TG: variants seen among roughly 807,000 people sequenced by gnomAD.
TG encodes the protein thyroglobulin, also known as thyroid hormones.
A neutral mutation model predicts 324.7 loss-of-function variants in TG; 270 were observed. The observed-to-expected ratio is 0.83, with a 90% CI of 0.75 to 0.92. The LOEUF is 0.92. TG is among the 40% of genes least tolerant of loss of function. The probability of loss-of-function intolerance (pLI) is 0.00; values close to 1 mark genes in which losing one functional copy is unlikely to be tolerated. For synonymous variants in TG, 1,401 were observed against 1,327.0 expected, an observed-to-expected ratio of 1.06 and a Z score of -1.21; for missense variants, 3,591 against 3,456.4, an observed-to-expected ratio of 1.04 and a Z score of -0.98.
chr8:132,873,226 G>A lies in TG; in HGVS notation c.638+5G>A, dbSNP rs774274702. On this transcript the variant is annotated splice_donor_5th_base_variant and intron_variant, in intron 5 of 47. Transcript: ENST00000220616. ...TCTGGTCCACAGCTACAACAGGTAA[G>A]GGGAGCAGGGGTGTGCCAGTCACTG... 32 of 1,613,916 alleles carry A rather than the reference G, an allele frequency of 2.0e-5. 1 individual carries two copies. The highest frequency in any genetic ancestry group is 3.3e-5 in the South Asian group (3 of 91,052).
intron 40 of TG, among the ~76,000 whole-genome samples, chr8:133,023,000 A>G (rs1265689036): frequency 1.3e-5 from 2 of 152,198 alleles, no homozygotes; most frequent in Non-Finnish European, 2.9e-5. Flanking sequence ...CAGAGACTTG[A>G]GTTTTGCACA....
chr8:133,013,572 G>T (rs376550284), intron 36 of TG, 28 bp from the exon 37 acceptor site: 32 of 1,613,608 alleles, frequency 2.0e-5, no homozygotes, highest in Non-Finnish European at 2.6e-5. Flanking sequence ...TGAGGCCCAA[G>T]CATCACTCTT....
intron 41 of TG, chr8:133,047,765 G>A (rs748186170): frequency 3.7e-5 from 34 of 914,092 alleles, no homozygotes; most frequent in Non-Finnish European, 5.2e-5. Flanking sequence ...CGTGTAATGA[G>A]TCAGCCAGGA....
chr8:132,933,733 C>T, intron 24 of TG, 57 bp downstream of exon 24: 1 of 1,515,558 alleles, frequency 6.6e-7, no homozygotes, highest in Non-Finnish European at 9.2e-7. Flanking sequence ...ATCAGATGTG[C>T]TCTGAGGAGC....
At chr8:133,106,944 G>C (rs1388552061) in intron 43 of TG, among the ~76,000 whole-genome samples, 1 of 152,180 alleles carries the variant, frequency 6.6e-6, no homozygotes, top group Non-Finnish European at 1.5e-5. Context: ...AGGGCCTGCA[G>C]CCATGTGTTC....
Position 133,134,697 on chromosome 8 carries a change from C to G in TG, c.8210C>G (p.Ser2737Ter), listed in dbSNP as rs746997831. The change falls in exon 48 of 48, where the codon TCA (serine) becomes TGA (stop). Residue 2737 changes from serine to a stop codon, truncating the protein, a stop_gained. Transcript: ENST00000220616. LOFTEE classifies it low-confidence loss of function (END_TRUNC). ...TSADGAKGGQ[S>*]AESEEEELTA... ...TCAGATGGAGCCAAGGGCGGGCAGT[C>G]AGCAGAGAGTGAAGAGGAGGAGTTG... 1.2e-6 allele frequency: 2 copies of G among 1,613,904 alleles called. No individual in the cohort carries two copies. Among genetic ancestry groups the G allele is most frequent in the Non-Finnish European group, 1.7e-6 (2 of 1,179,942 alleles).
intron 41 of TG, chr8:133,046,393 C>T (rs75793403): frequency 6.6e-6 from 1 of 152,274 alleles, no homozygotes; most frequent in South Asian, 2.1e-4. Flanking sequence ...AAATGCCACC[C>T]TGGGGTGTGA....
chr8:132,896,135 A>T (rs1032447246), intron 11 of TG, among the ~76,000 whole-genome samples: 1 of 152,266 alleles, frequency 6.6e-6, no homozygotes, highest in Non-Finnish European at 1.5e-5. Context: ...TTTAACACCT[A>T]TCAGCTCCTT....
chr8:132,874,255 G>C (rs1839760811), intron 5 of TG, among the ~76,000 whole-genome samples: 1 of 152,152 alleles, frequency 6.6e-6, no homozygotes, highest in Non-Finnish European at 1.5e-5. Flanking sequence ...ACTCCCAAAA[G>C]CATGGATATC....
rs749217843 is a variant in TG, at chr8:132,942,478, C to T, written c.5233+936C>T. Among the ~76,000 whole-genome samples the T allele has an allele frequency of 3.7e-4, 57 of 152,286 alleles. 1 individual carries two copies. The highest frequency in any genetic ancestry group is 6.9e-4 in the Non-Finnish European group (47 of 68,020). On this transcript the variant is annotated intron_variant, in intron 26 of 47. Coordinates refer to ENST00000220616, the MANE Select transcript of TG (RefSeq NM_003235.5). ...AAAGATTAGAAAAAATTGAAATAGTCTGATATATCTTGTTATGGTTCTCAC... is the reference window on the plus strand; with the variant it reads ...AAAGATTAGAAAAAATTGAAATAGTTTGATATATCTTGTTATGGTTCTCAC...
intron 43 of TG, among the ~76,000 whole-genome samples, chr8:133,106,026 G>A (rs553122966): frequency 6.6e-6 from 1 of 152,254 alleles, no homozygotes; most frequent in Non-Finnish European, 1.5e-5. Context: ...GGATGAAGCA[G>A]ATGGAGGAGA....
intron 1 of TG, 60 bp from the exon 2 acceptor site, chr8:132,868,055 G>T: frequency 1.4e-6 from 2 of 1,468,596 alleles, no homozygotes; most frequent in South Asian, 1.1e-5. Context: ...ATGAGAGCCC[G>T]TCTCTGTCCT....
Position 132,876,352 on chromosome 8 carries a change from G to A in TG, c.638+3131G>A, listed in dbSNP as rs776094884. Among the ~76,000 whole-genome samples the A allele has an allele frequency of 1.3e-3, 200 of 152,154 alleles. 1 individual carries two copies. Among genetic ancestry groups the A allele is most frequent in the Non-Finnish European group, 2.6e-4 (18 of 68,038 alleles). On this transcript the variant is annotated intron_variant, in intron 5 of 47. Coordinates refer to ENST00000220616, the MANE Select transcript of TG (RefSeq NM_003235.5). ...GGAGTCAAGAATGACTCCTAGGTCT[G>A]GTTTCTGGATGGATTCTTGAGGATA...
At chr8:132,880,585 A>G (rs1182596377) in intron 5 of TG, among the ~76,000 whole-genome samples, 2 of 152,178 alleles carry the variant, frequency 1.3e-5, no homozygotes, top group Non-Finnish European at 2.9e-5. Flanking sequence ...ATGGAAAAAA[A>G]CCTCATCCAT....
rs142710471 is a variant in TG at position 133,045,129 on chromosome 8, A to T, written c.7239+15106A>T. ...GTGAGTAAAACCCTGCAGGAGGTGG[A>T]GGATAAGTCAGTGGGCTCCACCTGT... On this transcript the variant is annotated intron_variant, in intron 41 of 47. Coordinates refer to ENST00000220616, the MANE Select transcript of TG (RefSeq NM_003235.5). The T allele has an allele frequency of 9.4e-5, 152 of 1,613,816 alleles. 1 individual carries two copies. The East Asian group carries it at 3.3e-3, about 35-fold the overall frequency.
rs756665599 is a variant in TG at position 132,886,541 on chromosome 8, C to A, written c.1169C>A (p.Ser390Tyr). Residue 390 changes from serine to tyrosine, a missense_variant, in exon 9 of 48, where the codon TCT becomes TAT. Transcript: ENST00000220616. ...SGYFSQHDLF[S>Y]SPEKRWASPR... ...TACTTCAGCCAGCACGACCTGTTCT[C>A]TTCCCCAGAGAAAAGATGGGCCTCT... The A allele has an allele frequency of 5.0e-6, 8 of 1,614,234 alleles. 1 individual carries two copies. The South Asian group carries it at 7.7e-5, about 16-fold the overall frequency.
At chr8:133,017,595 GTT>G in intron 37 of TG, 181 bp from the exon 38 acceptor site, 1 of 654,002 alleles carries the variant, frequency 1.5e-6, no homozygotes, top group Non-Finnish European at 2.7e-6. Flanking sequence ...CATTTTTTTT[GTT>G]TGTTTACATT....
chr8:132,988,011 G>C (rs1018798658), intron 35 of TG, among the ~76,000 whole-genome samples: 1 of 151,156 alleles, frequency 6.6e-6, no homozygotes, highest in Non-Finnish European at 1.5e-5. Flanking sequence ...AGTCGGGGGA[G>C]CAGAATTCTT....
At chr8:132,967,288 T>C (rs1828762823) in intron 30 of TG, among the ~76,000 whole-genome samples, 1 of 152,168 alleles carries the variant, frequency 6.6e-6, no homozygotes, top group Non-Finnish European at 1.5e-5. Flanking sequence ...AAGTATGCAT[T>C]ATGTTCAAAG....
Sources: gnomAD v4.1 joint callset for allele counts (sites outside exome capture counted in the v4.1 genomes callset) on GRCh38, gnomAD v4.1.1 for gene constraint, MANE v1.5 for transcripts, NCBI Gene and HGNC (gene_info 2026-07-23, HGNC 2026-07-21) for gene names.